Variants in ADIPOR2 observed in about 807,000 individuals in gnomAD.
ADIPOR2 encodes the protein adiponectin receptor 2.
ADIPOR2 carries 18 observed loss-of-function variants against 40.9 expected under a neutral mutation model. That is an observed-to-expected ratio of 0.44 (90% CI 0.30 to 0.65). The LOEUF is 0.65. Among genes scored for constraint, ADIPOR2 ranks in the 30% least tolerant of loss-of-function variants. ADIPOR2 has a pLI of 0.09. For missense variants in ADIPOR2, 283 were observed against 479.2 expected (o/e 0.59, Z 3.82); for synonymous variants, 165 against 166.4 (o/e 0.99, Z 0.06).
At chr12:1,691,831 A>G (rs2094627765) in intron 1 of ADIPOR2, among the ~76,000 whole-genome samples, 1 of 151,920 alleles carries the variant, frequency 6.6e-6, no homozygotes, top group Admixed American at 6.6e-5. Flanking sequence ...TGGGTTGGAA[A>G]CTGTTAGCTC....
intron 1 of ADIPOR2, among the ~76,000 whole-genome samples, chr12:1,730,314 C>T (rs188451377): frequency 2.7e-5 from 4 of 150,888 alleles, no homozygotes; most frequent in East Asian, 1.9e-4. Context: ...TTAGGAGATA[C>T]GTTATTTGAA....
intron 1 of ADIPOR2, among the ~76,000 whole-genome samples, chr12:1,699,186 T>G (rs1368501106): frequency 2.0e-5 from 3 of 152,182 alleles, no homozygotes; most frequent in African/African-American, 4.8e-5. Flanking sequence ...AGTTCCGGTA[T>G]ATAGCAGGTG....
chr12:1,777,241 A>G (rs2154444316), intron 3 of ADIPOR2, among the ~76,000 whole-genome samples: 1 of 152,242 alleles, frequency 6.6e-6, no homozygotes, highest in South Asian at 2.1e-4. Context: ...GGAGGTCAGT[A>G]TGAGTGAGAC....
intron 3 of ADIPOR2, among the ~76,000 whole-genome samples, chr12:1,774,670 A>G (rs542735461): frequency 2.0e-5 from 3 of 152,340 alleles, no homozygotes; most frequent in South Asian, 2.1e-4. Flanking sequence ...AACCAGGTCC[A>G]TGTGGGAATA....
At chr12:1,751,671 C>T (rs955521978) in intron 1 of ADIPOR2, among the ~76,000 whole-genome samples, 1 of 152,052 alleles carries the variant, frequency 6.6e-6, no homozygotes, top group Non-Finnish European at 1.5e-5. Context: ...CGTGCCACCA[C>T]ACCCGGCTAA....
At chr12:1,735,443 T>C (rs1592598285) in intron 1 of ADIPOR2, among the ~76,000 whole-genome samples, 1 of 152,212 alleles carries the variant, frequency 6.6e-6, no homozygotes, top group East Asian at 1.9e-4. Context: ...GCACGTTGAT[T>C]TTGTATCCTG....
chr12:1,716,919 G>C (rs2094688776), intron 1 of ADIPOR2, among the ~76,000 whole-genome samples: 1 of 152,166 alleles, frequency 6.6e-6, no homozygotes, highest in Non-Finnish European at 1.5e-5. Context: ...TTTTGTAGTA[G>C]AGAATATGTG....
At chr12:1,717,395 C>A (rs544440425) in intron 1 of ADIPOR2, among the ~76,000 whole-genome samples, 2 of 152,032 alleles carry the variant, frequency 1.3e-5, no homozygotes, top group African/African-American at 4.8e-5. Context: ...TAGAACATAA[C>A]GTTTATGTTT....
At chr12:1,753,848 A>ATT (rs5795979) in intron 1 of ADIPOR2, among the ~76,000 whole-genome samples, 3 of 152,014 alleles carry the variant, frequency 2.0e-5, no homozygotes, top group African/African-American at 7.3e-5. Flanking sequence ...ATTGTATACT[A>ATT]TTTTTTAAAT....
intron 1 of ADIPOR2, among the ~76,000 whole-genome samples, chr12:1,718,229 G>A (rs560690904): frequency 6.6e-6 from 1 of 152,154 alleles, no homozygotes; most frequent in South Asian, 2.1e-4. Context: ...TACTTGGACT[G>A]TGATGGTATA....
chr12:1,711,229 C>T (rs12312878), intron 1 of ADIPOR2, among the ~76,000 whole-genome samples: 3,861 of 152,236 alleles, frequency 0.025, 84 homozygotes, highest in Middle Eastern at 0.054. Context: ...TTTGTTATTT[C>T]TTGCAAGCTG....
intron 1 of ADIPOR2, among the ~76,000 whole-genome samples, chr12:1,713,958 C>T (rs561293897): frequency 7.2e-4 from 109 of 152,128 alleles, no homozygotes; most frequent in African/African-American, 2.3e-3. Context: ...TAAACATACC[C>T]GGGGTTCAGT....
At chr12:1,701,409 A>G (rs978259984) in intron 1 of ADIPOR2, among the ~76,000 whole-genome samples, 1 of 152,174 alleles carries the variant, frequency 6.6e-6, no homozygotes, top group Non-Finnish European at 1.5e-5. Flanking sequence ...GGTGTGAGCC[A>G]CCACTCCTGG....
intron 7 of ADIPOR2, among the ~76,000 whole-genome samples, chr12:1,784,421 G>A (rs939178987): frequency 3.3e-5 from 5 of 152,238 alleles, no homozygotes; most frequent in African/African-American, 9.6e-5. Context: ...TATTTAAGTG[G>A]TAGAACAGGA....
Position 1,743,229 on chromosome 12 carries a change from CAAAAAAA to C in ADIPOR2, c.-86-11018_-86-11012del, listed in dbSNP as rs552711963. On this transcript the variant is annotated intron_variant, in intron 1 of 7. Coordinates refer to ENST00000357103, the MANE Select transcript of ADIPOR2 (RefSeq NM_024551.3). ...CAGCATGGTGAAACCCCATCTCTAC[CAAAAAAA>C]AAAAAAAAAACAAAGCAGTGAGCCA... is the stretch of plus-strand genomic sequence containing the variant. Among the ~76,000 whole-genome samples the C allele has an allele frequency of 1.8e-4, 10 of 55,280 alleles. No homozygotes were observed. In the South Asian group the frequency reaches 3.5e-3, roughly 19 times the overall value. 36.3% of individuals were successfully genotyped at this position (55,280 alleles called of 152,430 possible).
chr12:1,768,933 GC>G (rs1375601727), intron 2 of ADIPOR2, among the ~76,000 whole-genome samples: 67 of 152,308 alleles, frequency 4.4e-4, no homozygotes, highest in African/African-American at 1.6e-3. Flanking sequence ...TAAGTTTTAT[GC>G]CTTTATTCTT....
intron 3 of ADIPOR2, among the ~76,000 whole-genome samples, chr12:1,773,901 G>A (rs185783884): frequency 6.6e-6 from 1 of 152,164 alleles, no homozygotes; most frequent in East Asian, 1.9e-4. Flanking sequence ...TTGGACCAGG[G>A]TATGAAAAGA....
chr12:1,754,603 AT>A, intron 2 of ADIPOR2, 89 bp downstream of exon 2: 1 of 1,318,114 alleles, frequency 7.6e-7, no homozygotes, highest in Non-Finnish European at 1.0e-6. Context: ...GTGGGGGTCC[AT>A]TGCTGGAGGG....
chr12:1,715,668 A>G, intron 1 of ADIPOR2, among the ~76,000 whole-genome samples: 1 of 152,308 alleles, frequency 6.6e-6, no homozygotes, highest in South Asian at 2.1e-4. Flanking sequence ...TCCTAGCAGC[A>G]GTTGGGGTGT....
Sources: gnomAD v4.1 joint callset for allele counts (sites outside exome capture counted in the v4.1 genomes callset) on GRCh38, gnomAD v4.1.1 for gene constraint, MANE v1.5 for transcripts, NCBI Gene and HGNC (gene_info 2026-07-23, HGNC 2026-07-21) for gene names.